The following SHROOM3 variants were observed in gnomAD, a reference collection of about 807,000 sequenced individuals.
The protein encoded by SHROOM3 is shroom family member 3.
Under a neutral mutation model 138.6 loss-of-function variants are expected in SHROOM3, and 47 were observed. The ratio of observed to expected loss-of-function variants is 0.34; its 90% CI spans 0.27 to 0.43. The LOEUF (loss-of-function observed/expected upper bound fraction) is 0.43. SHROOM3 is among the 20% of genes least tolerant of loss of function. The probability of loss-of-function intolerance (pLI) is 1.00; values close to 1 mark genes in which losing one functional copy is unlikely to be tolerated. For missense variants in SHROOM3, 2,491 were observed against 2,596.5 expected, an observed-to-expected ratio of 0.96 and a Z score of 0.88; for synonymous variants, 1,062 against 1,063.3, an observed-to-expected ratio of 1.00 and a Z score of 0.02.
intron 3 of SHROOM3, among the ~76,000 whole-genome samples, chr4:76,713,095 G>C (rs1205718778): frequency 2.7e-4 from 41 of 152,248 alleles, no homozygotes; most frequent in Non-Finnish European, 4.4e-5. Context: ...AGTGAGTGGT[G>C]AGTGAACGTG....
chr4:76,500,764 ATCTAAATC>A (rs1560525845), intron 1 of SHROOM3, among the ~76,000 whole-genome samples: 2 of 151,024 alleles, frequency 1.3e-5, no homozygotes, highest in African/African-American at 4.9e-5. Context: ...TTGGTAAAGT[ATCTAAATC>A]TTTTACCCTT....
chr4:76,753,099 C>T (rs1446826331), intron 6 of SHROOM3, among the ~76,000 whole-genome samples: 2 of 152,050 alleles, frequency 1.3e-5, no homozygotes, highest in African/African-American at 4.8e-5. Flanking sequence ...GCATCCCCAG[C>T]GGGAAGCCAC....
At chr4:76,472,377 C>T in intron 1 of SHROOM3, among the ~76,000 whole-genome samples, 1 of 152,068 alleles carries the variant, frequency 6.6e-6, no homozygotes, top group East Asian at 1.9e-4. Context: ...GCTGTTTGAG[C>T]CCAAGTATAA....
At chr4:76,449,864 T>G (rs958425470) in intron 1 of SHROOM3, among the ~76,000 whole-genome samples, 7 of 152,240 alleles carry the variant, frequency 4.6e-5, no homozygotes, top group African/African-American at 1.7e-4. Context: ...GTTAAAGCAT[T>G]TTTGTAGCAG....
At chr4:76,692,044 C>A (rs1719567934) in intron 2 of SHROOM3, among the ~76,000 whole-genome samples, 1 of 152,172 alleles carries the variant, frequency 6.6e-6, no homozygotes, top group African/African-American at 2.4e-5. Context: ...CCTTCCTCCC[C>A]TTCTGTAGTA....
At chr4:76,474,247 CAG>C (rs1263116284) in intron 1 of SHROOM3, among the ~76,000 whole-genome samples, 1 of 152,064 alleles carries the variant, frequency 6.6e-6, no homozygotes, top group East Asian at 1.9e-4. Context: ...TCCATAAACA[CAG>C]AGAGAGTATT....
chr4:76,541,628 C>T (rs1579223731), intron 1 of SHROOM3, among the ~76,000 whole-genome samples: 1 of 149,922 alleles, frequency 6.7e-6, no homozygotes, highest in African/African-American at 2.4e-5. Flanking sequence ...TGTGGGCGCA[C>T]ACACACACAC....
chr4:76,655,272 T>C (rs1736041016), intron 2 of SHROOM3, among the ~76,000 whole-genome samples: 1 of 152,208 alleles, frequency 6.6e-6, no homozygotes, highest in African/African-American at 2.4e-5. Flanking sequence ...GGTCCCCTAG[T>C]CCATTGTTCT....
chr4:76,601,251 A>G (rs929195152), intron 2 of SHROOM3, among the ~76,000 whole-genome samples: 4 of 152,160 alleles, frequency 2.6e-5, no homozygotes, highest in Non-Finnish European at 5.9e-5. Flanking sequence ...AGTAGTCACA[A>G]CTGTGTGTGG....
intron 1 of SHROOM3, among the ~76,000 whole-genome samples, chr4:76,468,355 T>C (rs535584266): frequency 6.6e-6 from 1 of 152,338 alleles, no homozygotes; most frequent in African/African-American, 2.4e-5. Flanking sequence ...TTTGAACTTG[T>C]AGAAATACTC....
intron 2 of SHROOM3, among the ~76,000 whole-genome samples, chr4:76,640,164 T>C (rs1735624120): frequency 6.6e-6 from 1 of 152,166 alleles, no homozygotes; most frequent in South Asian, 2.1e-4. Context: ...TTGTTTTGTA[T>C]ACCCTGTGAG....
At chr4:76,717,628 A>G (rs979084339) in intron 3 of SHROOM3, among the ~76,000 whole-genome samples, 3 of 151,980 alleles carry the variant, frequency 2.0e-5, no homozygotes, top group Non-Finnish European at 4.4e-5. Context: ...TCCAGCATGC[A>G]TGTGTGGGGC....
chr4:76,761,940 T>G (rs191634222), intron 9 of SHROOM3, among the ~76,000 whole-genome samples: 26 of 152,242 alleles, frequency 1.7e-4, no homozygotes, highest in African/African-American at 5.1e-4. Context: ...AACTCCCAAG[T>G]TGGAGTTTAC....
At chr4:76,477,966 G>T (rs1333383927) in intron 1 of SHROOM3, among the ~76,000 whole-genome samples, 1 of 152,166 alleles carries the variant, frequency 6.6e-6, no homozygotes, top group Admixed American at 6.5e-5. Flanking sequence ...CTTTTCCCAT[G>T]GTCTTTGCAA....
chr4:76,726,691 T>C (rs925444899), intron 3 of SHROOM3, among the ~76,000 whole-genome samples: 7 of 151,848 alleles, frequency 4.6e-5, no homozygotes, highest in African/African-American at 1.7e-4. Flanking sequence ...TACAGGTGGA[T>C]GCCACCACAC....
In SHROOM3 at chr4:76,555,619, G is replaced by T. The variant is rs144435434; in HGVS notation, c.179G>T (p.Gly60Val). Reference sequence around the variant, plus strand: ...TCTCCCTCCAAGCAGGTCGAAGAAGGGGGCAAAGCAGACACCCTGAGCTCC... The same window carrying T: ...TCTCCCTCCAAGCAGGTCGAAGAAGTGGGCAAAGCAGACACCCTGAGCTCC... ...EPLIISKVEE[G>V]GKADTLSSKL... The change falls in exon 2 of 11, where the codon GGG (glycine) becomes GTG (valine). Residue 60 changes from glycine to valine, a missense_variant. Coordinates refer to ENST00000296043, the MANE Select transcript of SHROOM3 (RefSeq NM_020859.4). 3,357 of 1,613,742 alleles carry T rather than the reference G, an allele frequency of 2.1e-3. 4 individuals are homozygous for T. The highest frequency in any genetic ancestry group is 6.3e-3 in the Middle Eastern group (36 of 5,718).
At chr4:76,747,017 A>G (rs1344992248) in intron 5 of SHROOM3, among the ~76,000 whole-genome samples, 1 of 151,812 alleles carries the variant, frequency 6.6e-6, no homozygotes, top group African/African-American at 2.4e-5. Flanking sequence ...ACGGGGTTTC[A>G]CCACGTTAGC....
At chr4:76,623,247 G>C (rs776153124) in intron 2 of SHROOM3, among the ~76,000 whole-genome samples, 1 of 152,010 alleles carries the variant, frequency 6.6e-6, no homozygotes, top group Non-Finnish European at 1.5e-5. Context: ...AAGTCTGTGG[G>C]CAACAATGCA....
chr4:76,670,212 GA>G (rs1199948903), intron 2 of SHROOM3, among the ~76,000 whole-genome samples: 3 of 152,156 alleles, frequency 2.0e-5, no homozygotes, highest in Non-Finnish European at 4.4e-5. Context: ...CTTGTAAATA[GA>G]AAAATGAAAT....
Sources: gnomAD v4.1 joint callset for allele counts (sites outside exome capture counted in the v4.1 genomes callset) on GRCh38, gnomAD v4.1.1 for gene constraint, MANE v1.5 for transcripts, NCBI Gene and HGNC (gene_info 2026-07-23, HGNC 2026-07-21) for gene names.